The following PSMA2 variants were observed in gnomAD, a reference collection of about 807,000 sequenced individuals.
PSMA2 encodes proteasome subunit alpha type-2.
Under a neutral mutation model 35.9 loss-of-function variants are expected in PSMA2, and 2 were observed. The observed-to-expected ratio is 0.06, with a 90% CI of 0.02 to 0.18. The LOEUF is 0.18. Among genes scored for constraint, PSMA2 ranks in the 10% least tolerant of loss-of-function variants. The pLI, the probability that PSMA2 is intolerant of heterozygous loss-of-function variation, is 1.00. For synonymous variants in PSMA2, 97 were observed against 98.2 expected (o/e 0.99, Z 0.07); for missense variants, 126 against 278.8 (o/e 0.45, Z 3.90).
At chr7:42,927,075 A>G (rs1182289754) in intron 2 of PSMA2, among the ~76,000 whole-genome samples, 1 of 151,924 alleles carries the variant, frequency 6.6e-6, no homozygotes, top group African/African-American at 2.4e-5. Context: ...TTCCTAAATT[A>G]TAAGGATAAA....
chr7:42,931,974 T>C (rs1402421539), intron 1 of PSMA2, 144 bp downstream of exon 1: 2 of 1,119,532 alleles, frequency 1.8e-6, no homozygotes, highest in African/African-American at 3.1e-5. Context: ...GCCTGGCAAA[T>C]GACTTTGCAA....
intron 1 of PSMA2, among the ~76,000 whole-genome samples, chr7:42,930,156 AG>A (rs1786275136): frequency 1.3e-5 from 2 of 152,100 alleles, no homozygotes; most frequent in South Asian, 4.1e-4. Flanking sequence ...ATGAGAGGCT[AG>A]AAACAAATAT....
At chr7:42,928,337 C>A (rs187735771) in intron 1 of PSMA2, among the ~76,000 whole-genome samples, 278 of 152,258 alleles carry the variant, frequency 1.8e-3, no homozygotes, top group Non-Finnish European at 3.3e-3. Context: ...CTGTTAAAAA[C>A]CAAACAGCAG....
chr7:42,923,852 T>C (rs1174120552), intron 4 of PSMA2, among the ~76,000 whole-genome samples: 1 of 152,182 alleles, frequency 6.6e-6, no homozygotes, highest in Non-Finnish European at 1.5e-5. Flanking sequence ...ATGACAATTT[T>C]CAGTTAATGC....
chr7:42,925,078 C>T (rs549301999), intron 3 of PSMA2, among the ~76,000 whole-genome samples: 148 of 151,602 alleles, frequency 9.8e-4, no homozygotes, highest in Middle Eastern at 6.8e-3. Flanking sequence ...GTACCCCCAT[C>T]CAAGGGCAGC....
chr7:42,931,705 C>G (rs527946698), intron 1 of PSMA2, among the ~76,000 whole-genome samples: 1 of 152,244 alleles, frequency 6.6e-6, no homozygotes, highest in East Asian at 1.9e-4. Flanking sequence ...AAAAGGGAAC[C>G]CCACATATTT....
At chr7:42,931,277 G>A (rs1786305590) in intron 1 of PSMA2, 1 of 339,094 alleles carries the variant, frequency 2.9e-6, no homozygotes, top group South Asian at 2.2e-5. Flanking sequence ...TACATTTTAA[G>A]TAAACTGGGC....
intron 2 of PSMA2, 32 bp downstream of exon 2, chr7:42,927,351 A>G (rs1436894914): frequency 6.4e-7 from 1 of 1,557,004 alleles, no homozygotes; most frequent in Non-Finnish European, 8.9e-7. Context: ...AACTACTAAC[A>G]GGCATCTGAA....
In PSMA2 at chr7:42,920,209, A is replaced by C. The variant is rs536108009; in HGVS notation, c.530+1649T>G. The C allele has an allele frequency of 1.5e-4, 44 of 296,638 alleles. No homozygotes were observed. The South Asian group carries it at 1.6e-3, about 11-fold the overall frequency. The allele number at this position is 296,638 out of a possible 1,614,324, so 18.4% of individuals were successfully genotyped here. A position where few individuals can be genotyped will look rare whatever the true frequency, so the allele number is the denominator to read the frequency against. ...GCAAAAACAGCAATAAATAATGAGG[A>C]ATATGAATTAGCTCCATTGCTGAAA... On this transcript the variant is annotated intron_variant, in intron 6 of 7. Transcript: ENST00000223321.
intron 1 of PSMA2, among the ~76,000 whole-genome samples, chr7:42,931,530 C>T (rs1478355470): frequency 2.3e-5 from 1 of 42,964 alleles, no homozygotes; most frequent in Middle Eastern, 0.01. Flanking sequence ...TCAAACTTGC[C>T]TCGTTGTTAG....
intron 3 of PSMA2, among the ~76,000 whole-genome samples, chr7:42,925,946 G>A (rs918273341): frequency 4.6e-5 from 7 of 152,202 alleles, no homozygotes; most frequent in Non-Finnish European, 8.8e-5. Flanking sequence ...GACAGACACA[G>A]AAAGCTGTCA....
chr7:42,927,320 G>A, intron 2 of PSMA2, 63 bp downstream of exon 2: 1 of 1,416,938 alleles, frequency 7.1e-7, no homozygotes, highest in Admixed American at 1.8e-5. Flanking sequence ...AATTACTAAT[G>A]AATTCCAAAA....
intron 1 of PSMA2, among the ~76,000 whole-genome samples, chr7:42,929,840 G>C (rs1786269026): frequency 6.6e-6 from 1 of 151,998 alleles, no homozygotes; most frequent in African/African-American, 2.4e-5. Flanking sequence ...CCAGTTTCAG[G>C]GCTTTCATAC....
intron 3 of PSMA2, 55 bp downstream of exon 3, chr7:42,926,481 C>T: frequency 3.4e-6 from 5 of 1,461,806 alleles, no homozygotes; most frequent in Non-Finnish European, 4.5e-6. Flanking sequence ...CCTGAAAATA[C>T]AGATTACAAT....
At chr7:42,931,416 T>C (rs1786309362) in intron 1 of PSMA2, among the ~76,000 whole-genome samples, 1 of 152,206 alleles carries the variant, frequency 6.6e-6, no homozygotes. Context: ...AGTAAACTTA[T>C]TATTCTAATC....
At chr7:42,918,056 G>A in intron 6 of PSMA2, 1 of 307,392 alleles carries the variant, frequency 3.3e-6, no homozygotes, top group Non-Finnish European at 5.8e-6. Context: ...ACCCTAAAAT[G>A]AGTTTAGTTT....
At position 42,926,671 on chromosome 7, in the gene PSMA2, T is replaced by C. The variant is rs1307720425; in HGVS notation, c.119-3A>G. 4 of 1,567,458 alleles carry C rather than the reference T, an allele frequency of 2.6e-6. No homozygotes were observed. The highest frequency in any genetic ancestry group is 4.0e-5 in the Admixed American group (2 of 50,606). On this transcript the variant is annotated splice_polypyrimidine_tract_variant and splice_region_variant and intron_variant, in intron 2 of 7. Transcript: ENST00000223321. ...TGCTAATACCACACCATTTGCAGCT[T>C]AAAAAAAAAGAGAGAGACATAAATG...
At position 42,917,839 on chromosome 7, in the gene PSMA2, A is replaced by C. The variant is rs1786056360; in HGVS notation, c.531-4T>G. The C allele has an allele frequency of 6.3e-7, 1 of 1,575,810 alleles. No homozygotes were observed. Among genetic ancestry groups the C allele is most frequent in the African/African-American group, 1.4e-5 (1 of 72,444 alleles). On this transcript the variant is annotated splice_region_variant and splice_polypyrimidine_tract_variant and intron_variant, in intron 6 of 7. Coordinates refer to ENST00000223321, the MANE Select transcript of PSMA2 (RefSeq NM_002787.5). ...AAGTTCCAGATCTTCATTATATCTG[A>C]AGAATTTAAAAAAAATTACTTATAT...
intron 4 of PSMA2, among the ~76,000 whole-genome samples, chr7:42,923,973 A>G (rs1425719642): frequency 6.6e-6 from 1 of 152,190 alleles, no homozygotes; most frequent in African/African-American, 2.4e-5. Flanking sequence ...TCTACACCCA[A>G]ACTTAAGAAA....
Sources: gnomAD v4.1 joint callset for allele counts (sites outside exome capture counted in the v4.1 genomes callset) on GRCh38, gnomAD v4.1.1 for gene constraint, MANE v1.5 for transcripts, NCBI Gene and HGNC (gene_info 2026-07-23, HGNC 2026-07-21) for gene names.